RIOK1: variants seen among roughly 807,000 people sequenced by gnomAD.
The protein encoded by RIOK1 is RIO kinase 1.
A neutral mutation model predicts 73.5 loss-of-function variants in RIOK1; 66 were observed. The observed-to-expected ratio is 0.90, with a 90% CI of 0.74 to 1.10. The LOEUF is 1.10. Among genes scored for constraint, RIOK1 ranks in the 50% least tolerant of loss-of-function variants. The pLI, the probability that RIOK1 is intolerant of heterozygous loss-of-function variation, is 0.00. For missense variants in RIOK1, 658 were observed against 699.8 expected (o/e 0.94, Z 0.67); for synonymous variants, 224 against 226.8 (o/e 0.99, Z 0.11).
chr6:7,411,612 G>A lies in RIOK1; in HGVS notation c.1389+161G>A, dbSNP rs75220855. On this transcript the variant is annotated intron_variant, in intron 14 of 16. Coordinates refer to ENST00000379834, the MANE Select transcript of RIOK1 (RefSeq NM_031480.3). ...GTGTTAACTTGTGTGCACATTGAACGCAAAGGGAATTATTTGGAATTTATG... is the reference window on the plus strand; with the variant it reads ...GTGTTAACTTGTGTGCACATTGAACACAAAGGGAATTATTTGGAATTTATG... 4.5e-3 allele frequency: 2,998 copies of A among 661,086 alleles called. 80 individuals are homozygous for A. In the African/African-American group the frequency reaches 0.05, roughly 11 times the overall value. 41.0% of individuals were successfully genotyped at this position (661,086 alleles called of 1,614,324 possible). A position where few individuals can be genotyped will look rare whatever the true frequency, so the allele number is the denominator to read the frequency against.
rs528478655 is a variant in RIOK1 at position 7,417,680 on chromosome 6, TAAA to T, written c.*240_*242del. 2.1e-4 allele frequency: 59 copies of T among 275,054 alleles called. No homozygotes were observed. The Middle Eastern group carries it at 3.2e-3, about 15-fold the overall frequency. The allele number at this position is 275,054 out of a possible 1,614,324, so 17.0% of individuals were successfully genotyped here. A position where few individuals can be genotyped will look rare whatever the true frequency, so the allele number is the denominator to read the frequency against. On this transcript the variant is annotated 3_prime_UTR_variant, in exon 17 of 17. Coordinates refer to ENST00000379834, the MANE Select transcript of RIOK1 (RefSeq NM_031480.3). The stretch of plus-strand genomic sequence containing the variant: ...GGATTTATTTAAGCTATTATTTTAA[TAAA>T]GAACTTTGTACATTTTTATTTTTAT...
chr6:7,393,454 T>G, intron 2 of RIOK1, 151 bp downstream of exon 2: 1 of 630,336 alleles, frequency 1.6e-6, no homozygotes, highest in Non-Finnish European at 2.7e-6. Context: ...TTTTCACTTT[T>G]CATCCTTTCT....
intron 4 of RIOK1, among the ~76,000 whole-genome samples, chr6:7,398,194 G>T (rs1464770385): frequency 2.6e-5 from 4 of 152,100 alleles, no homozygotes; most frequent in Non-Finnish European, 4.4e-5. Context: ...CTTAGAAAAT[G>T]CCTCTAAACA....
At position 7,393,251 on chromosome 6, in the gene RIOK1, G is replaced by A. The variant is rs1339649253; in HGVS notation, c.224G>A (p.Gly75Glu). ...DDDDDWDWDE[G>E]VGKLAKGYVW... is the part of the protein sequence containing the mutation. Reference sequence around the variant, plus strand: ...GATGATGACTGGGACTGGGATGAAGGAGTTGGAAAACTCGCCAAGGGTTAT... The same window carrying A: ...GATGATGACTGGGACTGGGATGAAGAAGTTGGAAAACTCGCCAAGGGTTAT... Residue 75 changes from glycine to glutamate, a missense_variant, in exon 2 of 17, where the codon GGA (glycine) becomes GAA (glutamate). Gly to Glu is a moderately conservative substitution (Grantham distance 98). Transcript: ENST00000379834. 13 of 1,613,956 alleles carry A rather than the reference G, an allele frequency of 8.1e-6. No individual in the cohort carries two copies. In the Admixed American group the frequency reaches 1.7e-4, roughly 21 times the overall value.
intron 1 of RIOK1, among the ~76,000 whole-genome samples, chr6:7,391,270 C>A (rs555629725): frequency 5.9e-5 from 9 of 152,206 alleles, no homozygotes; most frequent in African/African-American, 2.2e-4. Context: ...AAATACCATC[C>A]TGAATGACAC....
At chr6:7,399,437 T>C (rs994372294) in intron 5 of RIOK1, among the ~76,000 whole-genome samples, 1 of 152,324 alleles carries the variant, frequency 6.6e-6, no homozygotes, top group South Asian at 2.1e-4. Flanking sequence ...ATTTCTGTAA[T>C]TGAAAACAAA....
intron 16 of RIOK1, among the ~76,000 whole-genome samples, chr6:7,416,485 A>G (rs1200718288): frequency 6.6e-6 from 1 of 152,048 alleles, no homozygotes; most frequent in Non-Finnish European, 1.5e-5. Context: ...TATCTCTACT[A>G]AAAATACAAA....
chr6:7,395,892 G>A (rs1011861080), intron 3 of RIOK1, among the ~76,000 whole-genome samples: 2 of 152,024 alleles, frequency 1.3e-5, no homozygotes, highest in Non-Finnish European at 2.9e-5. Context: ...ATTTTCTGTA[G>A]AGACGGGGTT....
intron 5 of RIOK1, 113 bp downstream of exon 5, chr6:7,398,853 C>G (rs1761543375): frequency 6.2e-6 from 5 of 806,934 alleles, no homozygotes; most frequent in Non-Finnish European, 9.8e-6. Context: ...TAAAATTACT[C>G]CTATATAAAA....
chr6:7,402,654 AT>A lies in RIOK1; in HGVS notation c.628del (p.Tyr210IlefsTer15). On this transcript the variant is annotated frameshift_variant, in exon 7 of 17. Transcript: ENST00000379834. LOFTEE classifies it high-confidence loss of function. ...TANGESRAIK[I>X]YKTSILVFKD... ...AAATGGAGAGAGCAGAGCAATCAAA[AT>A]TTATAAAACTTCTATTTTGGTGTTC... 1.2e-6 allele frequency: 2 copies of A among 1,613,212 alleles called. No individual in the cohort carries two copies. Among genetic ancestry groups the A allele is most frequent in the Non-Finnish European group, 1.7e-6 (2 of 1,179,434 alleles).
At chr6:7,398,616 C>T in intron 4 of RIOK1, 82 bp from the exon 5 acceptor site, 1 of 1,059,666 alleles carries the variant, frequency 9.4e-7, no homozygotes, top group South Asian at 1.3e-5. Context: ...TAGGAATTTT[C>T]ATGAAATTAT....
In RIOK1 at chr6:7,402,908, G is replaced by T; in HGVS notation, c.767+11G>T. On this transcript the variant is annotated intron_variant, in intron 8 of 16. Coordinates refer to ENST00000379834, the MANE Select transcript of RIOK1 (RefSeq NM_031480.3). The stretch of plus-strand genomic sequence containing the variant: ...GAGGAACTTAATCAGGTGACTGTCT[G>T]GGATGTGTGTATGTCTGTCCTATGC... 6.2e-7 allele frequency: 1 copy of T among 1,612,002 alleles called. No homozygotes were observed. Among genetic ancestry groups the T allele is most frequent in the South Asian group, 1.1e-5 (1 of 90,902 alleles).
At chr6:7,416,167 G>A (rs1467288827) in intron 16 of RIOK1, among the ~76,000 whole-genome samples, 1 of 152,114 alleles carries the variant, frequency 6.6e-6, no homozygotes, top group Non-Finnish European at 1.5e-5. Flanking sequence ...TATACAATGT[G>A]GGTCCCAAGA....
Position 7,414,391 on chromosome 6 carries a change from G to A in RIOK1, c.1596+1G>A, listed in dbSNP as rs751929894. 3.8e-6 allele frequency: 6 copies of A among 1,598,120 alleles called. No homozygotes were observed. In the African/African-American group the frequency reaches 8.1e-5, roughly 22 times the overall value. ...CACGGACCCTGACATTGATAAAAAA[G>A]TAAGCAATGAAATACCTTCCCCTTT... is the stretch of plus-strand genomic sequence containing the variant. On this transcript the variant is annotated splice_donor_variant, in intron 16 of 16. Coordinates refer to ENST00000379834, the MANE Select transcript of RIOK1 (RefSeq NM_031480.3). LOFTEE classifies it high-confidence loss of function.
chr6:7,416,143 A>G (rs1761994834), intron 16 of RIOK1, among the ~76,000 whole-genome samples: 1 of 152,218 alleles, frequency 6.6e-6, no homozygotes, highest in South Asian at 2.1e-4. Flanking sequence ...ATCTTAGTCT[A>G]ATCCTTTAAA....
In RIOK1 at chr6:7,414,350, G is replaced by T; in HGVS notation, c.1556G>T (p.Arg519Leu). 1 of 1,612,248 alleles carries T rather than the reference G, an allele frequency of 6.2e-7. No individual in the cohort carries two copies. The highest frequency in any genetic ancestry group is 8.5e-7 in the Non-Finnish European group (1 of 1,179,452). The change falls in exon 16 of 17, where the codon CGC (arginine) becomes CTC (leucine). Residue 519 changes from arginine (R) to leucine (L), a missense_variant. Physicochemically the swap from Arg to Leu is moderately radical, Grantham distance 102. Transcript: ENST00000379834. The stretch of plus-strand genomic sequence containing the variant: ...TCTGAAGAGCAGGGAGACCATGCCC[G>T]CCCCAAGAAACACACCACGGACCCT... The part of the protein sequence containing the change: ...TDSEEQGDHA[R>L]PKKHTTDPDI...
At position 7,393,270 on chromosome 6, in the gene RIOK1, G is replaced by A; in HGVS notation, c.243G>A (p.Lys81=). The A allele has an allele frequency of 1.2e-6, 2 of 1,614,096 alleles. No homozygotes were observed. Among genetic ancestry groups the A allele is most frequent in the Non-Finnish European group, 8.5e-7 (1 of 1,180,000 alleles). ...DWDEGVGKLA[K]GYVWNGGSNP... ...ATGAAGGAGTTGGAAAACTCGCCAAGGGTTATGTCTGGAATGGAGGAAGCA... is the reference window on the plus strand; with the variant it reads ...ATGAAGGAGTTGGAAAACTCGCCAAAGGTTATGTCTGGAATGGAGGAAGCA... The change falls in exon 2 of 17, where the codon AAG becomes AAA. Residue 81 remains lysine (K), a synonymous_variant. Coordinates refer to ENST00000379834, the MANE Select transcript of RIOK1 (RefSeq NM_031480.3).
chr6:7,405,166 A>G (rs1581718358), intron 11 of RIOK1, 83 bp from the exon 12 acceptor site: 2 of 1,069,018 alleles, frequency 1.9e-6, no homozygotes, highest in South Asian at 2.7e-5. Flanking sequence ...ATGTAATTTT[A>G]TCTCCTTGTT....
intron 8 of RIOK1, among the ~76,000 whole-genome samples, chr6:7,403,479 CT>C: frequency 6.6e-6 from 1 of 152,204 alleles, no homozygotes; most frequent in East Asian, 1.9e-4. Flanking sequence ...TGTCTTATAA[CT>C]TTTTATATGG....
Sources: gnomAD v4.1 joint callset for allele counts (sites outside exome capture counted in the v4.1 genomes callset) on GRCh38, gnomAD v4.1.1 for gene constraint, MANE v1.5 for transcripts, NCBI Gene and HGNC (gene_info 2026-07-23, HGNC 2026-07-21) for gene names.